Variants in CCDC138 observed in about 807,000 individuals in gnomAD.
The protein encoded by CCDC138 is coiled-coil domain containing 138.
A neutral mutation model predicts 82.3 loss-of-function variants in CCDC138; 66 were observed. The observed-to-expected ratio is 0.80, with a 90% confidence interval of 0.66 to 0.98. The LOEUF (loss-of-function observed/expected upper bound fraction) is 0.98. Among genes scored for constraint, CCDC138 ranks in the 50% least tolerant of loss-of-function variants. The pLI is 0.00. For missense variants in CCDC138, 816 were observed against 758.9 expected (o/e 1.08, Z -0.88); for synonymous variants, 297 against 265.4 (o/e 1.12, Z -1.16).
At chr2:108,788,738 A>G in intron 2 of CCDC138, 114 bp from the exon 3 acceptor site, 9 of 1,434,924 alleles carry the variant, frequency 6.3e-6, no homozygotes, top group Non-Finnish European at 8.3e-6. Context: ...AAAAAGAAAA[A>G]AAAATTTGAG....
At position 108,791,947 on chromosome 2, in the gene CCDC138, T is replaced by C. The variant is rs909140023; in HGVS notation, c.394+145T>C. ...CTTCTGTAAGCTAGGAGATAGTTAC[T>C]GTGCTTATTATTAAACTAAAGGAGC... On this transcript the variant is annotated intron_variant, in intron 4 of 14. Transcript: ENST00000295124. 6.1e-6 allele frequency: 5 copies of C among 815,802 alleles called. No homozygotes were observed. In the African/African-American group the frequency reaches 8.8e-5, roughly 14 times the overall value. 50.5% of individuals were successfully genotyped at this position (815,802 alleles called of 1,614,324 possible). A position where few individuals can be genotyped will look rare whatever the true frequency, so the allele number is the denominator to read the frequency against.
chr2:108,818,324 C>T (rs1024310354), intron 10 of CCDC138, among the ~76,000 whole-genome samples: 31 of 151,942 alleles, frequency 2.0e-4, no homozygotes, highest in African/African-American at 6.8e-4. Context: ...ATAATGGAAT[C>T]GGGATCATGT....
chr2:108,867,364 A>G (rs1269669531), intron 13 of CCDC138, among the ~76,000 whole-genome samples: 1 of 152,222 alleles, frequency 6.6e-6, no homozygotes, highest in Non-Finnish European at 1.5e-5. Context: ...GCAAGCTAGA[A>G]GGAAAAAAAT....
intron 13 of CCDC138, among the ~76,000 whole-genome samples, chr2:108,858,748 A>G (rs1008615619): frequency 6.6e-6 from 1 of 151,362 alleles, no homozygotes; most frequent in Non-Finnish European, 1.5e-5. Flanking sequence ...CAGGTGTGTT[A>G]CATGGATTTA....
At chr2:108,832,041 C>CT (rs938966093) in intron 10 of CCDC138, among the ~76,000 whole-genome samples, 13 of 150,760 alleles carry the variant, frequency 8.6e-5, no homozygotes, top group African/African-American at 3.2e-4. Context: ...CTTTTTTTCT[C>CT]TTTTTTGAAA....
chr2:108,789,599 A>G (rs1292298653), intron 3 of CCDC138, among the ~76,000 whole-genome samples: 1 of 152,190 alleles, frequency 6.6e-6, no homozygotes, highest in African/African-American at 2.4e-5. Context: ...CTGAAGAAAG[A>G]AAAAACGAAC....
intron 13 of CCDC138, among the ~76,000 whole-genome samples, chr2:108,871,987 T>C (rs1695324696): frequency 6.6e-6 from 1 of 152,210 alleles, no homozygotes; most frequent in Non-Finnish European, 1.5e-5. Context: ...GAATGATCTT[T>C]TAATTCCCCT....
At chr2:108,788,500 G>A (rs570627416) in intron 2 of CCDC138, among the ~76,000 whole-genome samples, 2 of 151,990 alleles carry the variant, frequency 1.3e-5, no homozygotes, top group South Asian at 2.1e-4. Flanking sequence ...GGCGGATCAC[G>A]AGGTCAGGAG....
chr2:108,798,349 C>T, intron 5 of CCDC138, 79 bp from the exon 6 acceptor site: 1 of 1,503,750 alleles, frequency 6.7e-7, no homozygotes, highest in Non-Finnish European at 9.0e-7. Flanking sequence ...TTGGTTAAAC[C>T]ACAGTGTCAG....
At chr2:108,858,361 C>CAA (rs139044517) in intron 13 of CCDC138, among the ~76,000 whole-genome samples, 1 of 151,416 alleles carries the variant, frequency 6.6e-6, no homozygotes, top group African/African-American at 2.4e-5. Flanking sequence ...AACAAACAAA[C>CAA]AAAAAAAACA....
At chr2:108,858,217 G>T (rs575427629) in intron 13 of CCDC138, among the ~76,000 whole-genome samples, 2 of 152,156 alleles carry the variant, frequency 1.3e-5, no homozygotes, top group African/African-American at 4.8e-5. Flanking sequence ...GGTGGTGTGC[G>T]CCTGTAATGC....
At chr2:108,855,508 T>G (rs1692437130) in intron 12 of CCDC138, among the ~76,000 whole-genome samples, 1 of 152,100 alleles carries the variant, frequency 6.6e-6, no homozygotes, top group Admixed American at 6.6e-5. Flanking sequence ...AAAGGATGTT[T>G]CTAAATAAGG....
At chr2:108,878,448 C>T (rs1696176521), downstream of CCDC138, 1 of 215,952 alleles carries the variant, frequency 4.6e-6, no homozygotes, top group Admixed American at 4.1e-5. Context: ...GGAGAGGAAC[C>T]ACGCTGGGTC....
intron 13 of CCDC138, among the ~76,000 whole-genome samples, chr2:108,861,855 C>T (rs566434679): frequency 1.3e-5 from 2 of 152,242 alleles, no homozygotes; most frequent in East Asian, 1.9e-4. Context: ...CTTCTTAGCA[C>T]TGTTTTTACT....
chr2:108,861,789 G>A (rs562738289), intron 13 of CCDC138, among the ~76,000 whole-genome samples: 2 of 149,198 alleles, frequency 1.3e-5, no homozygotes, highest in African/African-American at 2.5e-5. Flanking sequence ...CCTAAACCTC[G>A]GCCTCCCAAA....
chr2:108,812,834 TATGACAATA>T lies in CCDC138; in HGVS notation c.949_957del (p.Met317_Ile319del). The T allele has an allele frequency of 6.2e-7, 1 of 1,613,222 alleles. No individual in the cohort carries two copies. The highest frequency in any genetic ancestry group is 8.5e-7 in the Non-Finnish European group (1 of 1,179,348). ...TACTGTTGCAGAGGAAGTACGAGTT[TATGACAATA>T]CAGAGATTGAAAGGAAGTTCCCATG... On this transcript the variant is annotated inframe_deletion, in exon 9 of 15. Coordinates refer to ENST00000295124, the MANE Select transcript of CCDC138 (RefSeq NM_144978.3).
At chr2:108,813,381 A>G (rs1002757020) in intron 9 of CCDC138, among the ~76,000 whole-genome samples, 4 of 152,000 alleles carry the variant, frequency 2.6e-5, no homozygotes, top group African/African-American at 9.7e-5. Flanking sequence ...GGGATTCACC[A>G]TAATAATTTT....
In CCDC138 at chr2:108,861,472, C is replaced by CTTTTTT. The variant is rs201132350; in HGVS notation, c.1693+4523_1693+4528dup. 2.4e-5 allele frequency among the ~76,000 whole-genome samples: 3 copies of CTTTTTT among 123,552 alleles called. 1 individual carries two copies. The highest frequency in any genetic ancestry group is 7.7e-5 in the African/African-American group (2 of 25,858). 81.1% of individuals were successfully genotyped at this position (123,552 alleles called of 152,430 possible). A position where few individuals can be genotyped will look rare whatever the true frequency, so the allele number is the denominator to read the frequency against. Reference sequence around the variant, plus strand: ...ACATTTAGCACTATAAACTTTCTTCCTTTTTTTTTTTTTTTTTTTTTTTTT... The same window carrying CTTTTTT: ...ACATTTAGCACTATAAACTTTCTTCCTTTTTTTTTTTTTTTTTTTTTTTTTTTTTTT... On this transcript the variant is annotated intron_variant, in intron 13 of 14. Coordinates refer to ENST00000295124, the MANE Select transcript of CCDC138 (RefSeq NM_144978.3).
chr2:108,876,036 G>A, intron 14 of CCDC138, 52 bp from the exon 15 acceptor site: 1 of 1,221,728 alleles, frequency 8.2e-7, no homozygotes, highest in Admixed American at 2.0e-5. Context: ...TGTCATTGCA[G>A]ATAAACTCTC....
Sources: gnomAD v4.1 joint callset for allele counts (sites outside exome capture counted in the v4.1 genomes callset) on GRCh38, gnomAD v4.1.1 for gene constraint, MANE v1.5 for transcripts, NCBI Gene and HGNC (gene_info 2026-07-23, HGNC 2026-07-21) for gene names.